RIPOR3: variants seen among roughly 807,000 people sequenced by gnomAD.
The protein encoded by RIPOR3 is RIPOR family member 3.
In RIPOR3, 95 loss-of-function variants were observed where a neutral mutation model predicts 114.3. The observed-to-expected ratio is 0.83, with a 90% CI of 0.70 to 0.99. RIPOR3 has a LOEUF of 0.99. Among genes scored for constraint, RIPOR3 ranks in the 50% least tolerant of loss-of-function variants. RIPOR3 has a pLI of 0.00. For synonymous variants in RIPOR3, 575 were observed against 543.8 expected (o/e 1.06, Z -0.80); for missense variants, 1,252 against 1,266.9 (o/e 0.99, Z 0.18).
intron 1 of RIPOR3, chr20:50,645,946 G>C (rs901379183): frequency 6.6e-6 from 1 of 152,250 alleles, no homozygotes; most frequent in Non-Finnish European, 1.5e-5. Context: ...TCTTTTGACA[G>C]TGAAATATGC....
intron 1 of RIPOR3, among the ~76,000 whole-genome samples, chr20:50,633,377 C>T (rs1171033469): frequency 6.6e-6 from 1 of 152,246 alleles, no homozygotes; most frequent in Non-Finnish European, 1.5e-5. Flanking sequence ...CGTATTTACA[C>T]CACAGAAAGC....
intron 1 of RIPOR3, among the ~76,000 whole-genome samples, chr20:50,661,076 A>G (rs1047200081): frequency 1.3e-5 from 2 of 152,004 alleles, no homozygotes; most frequent in African/African-American, 2.4e-5. Context: ...TGTCTCTATT[A>G]AAAATACAAA....
chr20:50,614,684 A>C (rs1173614614), intron 4 of RIPOR3: 1 of 170,426 alleles, frequency 5.9e-6, no homozygotes, highest in Non-Finnish European at 1.5e-5. Context: ...ACAAGGAACA[A>C]TTATTTTAGC....
chr20:50,623,545 T>C lies in RIPOR3; in HGVS notation c.123-3413A>G, dbSNP rs932683531. ...TGCAGAGGGGCCTGGACCTGGGGCC[T>C]CTCTAGTTTTGGGGACCCAGGATGT... On this transcript the variant is annotated intron_variant, in intron 2 of 21. Coordinates refer to ENST00000327979, the MANE Select transcript of RIPOR3 (RefSeq NM_001290268.2). Among the ~76,000 whole-genome samples, 62 of 152,032 alleles carry C rather than the reference T, an allele frequency of 4.1e-4. 1 individual carries two copies. The highest frequency in any genetic ancestry group is 1.5e-5 in the Non-Finnish European group (1 of 68,000).
chr20:50,643,774 C>T (rs1259935233), intron 1 of RIPOR3, among the ~76,000 whole-genome samples: 15 of 146,860 alleles, frequency 1.0e-4, no homozygotes, highest in Non-Finnish European at 1.3e-4. Flanking sequence ...GGTGCAATCT[C>T]GGCTCACTGC....
chr20:50,663,443 C>T (rs1006783456), intron 1 of RIPOR3, among the ~76,000 whole-genome samples: 2 of 152,210 alleles, frequency 1.3e-5, no homozygotes, highest in Admixed American at 6.5e-5. Context: ...CCTCTCCAAG[C>T]GCCCCAGTGC....
At chr20:50,687,318 A>G (rs919530321) in intron 1 of RIPOR3, among the ~76,000 whole-genome samples, 2 of 152,228 alleles carry the variant, frequency 1.3e-5, no homozygotes, top group Non-Finnish European at 2.9e-5. Flanking sequence ...TGCTTCGGGC[A>G]AGAGAGAGGA....
At chr20:50,666,079 C>A (rs2086180674) in intron 1 of RIPOR3, among the ~76,000 whole-genome samples, 1 of 151,108 alleles carries the variant, frequency 6.6e-6, no homozygotes. Context: ...GAATGAAGAC[C>A]AAGGAAGGGT....
At position 50,609,682 on chromosome 20, in the gene RIPOR3, A is replaced by G; in HGVS notation, c.467T>C (p.Leu156Pro). Reference protein sequence around the residue: ...LYEDYCIQCRLRDGASSMQRA... With the variant: ...LYEDYCIQCRPRDGASSMQRA... ...CTGCATGCTGGAGGCGCCGTCGCGC[A>G]GGCGGCACTGGATGCAGTAGTCCTC... Residue 156 changes from leucine to proline, a missense_variant, in exon 7 of 22, where the codon CTG (leucine) becomes CCG (proline). Physicochemically the swap from Leu to Pro is moderately conservative, Grantham distance 98. Coordinates refer to ENST00000327979, the MANE Select transcript of RIPOR3 (RefSeq NM_001290268.2). The G allele has an allele frequency of 7.2e-7, 1 of 1,391,712 alleles. No individual in the cohort carries two copies. Among genetic ancestry groups the G allele is most frequent in the Non-Finnish European group, 9.3e-7 (1 of 1,072,872 alleles). 86.2% of individuals were successfully genotyped at this position (1,391,712 alleles called of 1,614,324 possible).
intron 1 of RIPOR3, among the ~76,000 whole-genome samples, chr20:50,690,609 G>A (rs1038912126): frequency 6.6e-6 from 1 of 152,084 alleles, no homozygotes; most frequent in African/African-American, 2.4e-5. Context: ...CAGAATACTG[G>A]GGGTGTACAG....
At chr20:50,591,822 C>G (rs575053258) in intron 19 of RIPOR3, among the ~76,000 whole-genome samples, 1 of 152,204 alleles carries the variant, frequency 6.6e-6, no homozygotes, top group Non-Finnish European at 1.5e-5. Context: ...AAAGGCTGGG[C>G]GCAGTGGCTC....
rs775382186 is a variant in RIPOR3, at chr20:50,608,714, G to A, written c.709C>T (p.Arg237Cys). The A allele has an allele frequency of 2.5e-6, 4 of 1,613,872 alleles. No homozygotes were observed. The highest frequency in any genetic ancestry group is 2.7e-5 in the African/African-American group (2 of 74,906). ...TCGATCCGACCCTTGAGCTTCCAAC[G>A]CTGGCGGCCCAGACGCATGAGCACC... is the stretch of plus-strand genomic sequence containing the variant. ...YEVLMRLGRQ[R>C]WKLKGRIESD... The change falls in exon 10 of 22, where the codon CGT becomes TGT. Residue 237 changes from arginine to cysteine, a missense_variant. Coordinates refer to ENST00000327979, the MANE Select transcript of RIPOR3 (RefSeq NM_001290268.2).
intron 1 of RIPOR3, among the ~76,000 whole-genome samples, chr20:50,646,369 C>T (rs536485005): frequency 5.3e-5 from 8 of 152,058 alleles, no homozygotes; most frequent in African/African-American, 7.2e-5. Flanking sequence ...TGAGCTCAAG[C>T]GATTCACCCT....
intron 1 of RIPOR3, among the ~76,000 whole-genome samples, chr20:50,641,251 A>G (rs1435142336): frequency 1.3e-5 from 2 of 149,198 alleles, no homozygotes; most frequent in African/African-American, 2.5e-5. Flanking sequence ...GGCTCACTCT[A>G]TCACCCAGGC....
rs1410583782 is a variant in RIPOR3 at position 50,604,672 on chromosome 20, G to C, written c.1059C>G (p.Thr353=). Residue 353 remains threonine (T), a synonymous_variant, in exon 12 of 22, where the codon ACC becomes ACG. Coordinates refer to ENST00000327979, the MANE Select transcript of RIPOR3 (RefSeq NM_001290268.2). Reference sequence around the variant, plus strand: ...GGTAGTATCTCTCCCGGAAGCTGGGGGTGCTCGGGGGTGTCCAGTTGTACA... The same window carrying C: ...GGTAGTATCTCTCCCGGAAGCTGGGCGTGCTCGGGGGTGTCCAGTTGTACA... The part of the protein sequence containing the change: ...GSLYNWTPPS[T]PSFRERYYLS... 5.6e-6 allele frequency: 9 copies of C among 1,608,014 alleles called. No individual in the cohort carries two copies. Among genetic ancestry groups the C allele is most frequent in the Non-Finnish European group, 6.8e-6 (8 of 1,177,814 alleles).
At chr20:50,642,527 T>G (rs918927003) in intron 1 of RIPOR3, among the ~76,000 whole-genome samples, 3 of 151,956 alleles carry the variant, frequency 2.0e-5, no homozygotes, top group Admixed American at 6.6e-5. Flanking sequence ...TGGTGTTTAA[T>G]TCCCTGGGGG....
chr20:50,601,210 G>T (rs1279813812), intron 13 of RIPOR3, among the ~76,000 whole-genome samples: 1 of 152,206 alleles, frequency 6.6e-6, no homozygotes, highest in Non-Finnish European at 1.5e-5. Context: ...GAGGCAGGCG[G>T]ATCACTTGAG....
At chr20:50,614,256 A>C (rs1308554407) in intron 4 of RIPOR3, among the ~76,000 whole-genome samples, 1 of 152,104 alleles carries the variant, frequency 6.6e-6, no homozygotes, top group Non-Finnish European at 1.5e-5. Flanking sequence ...GGCTGGTCTC[A>C]AACTCCTGAT....
At chr20:50,611,404 C>T (rs527853395) in intron 4 of RIPOR3, among the ~76,000 whole-genome samples, 200 bp from the exon 5 acceptor site, 9 of 152,234 alleles carry the variant, frequency 5.9e-5, no homozygotes, top group African/African-American at 2.2e-4. Flanking sequence ...TAAACACATG[C>T]ACGTGGGATG....
Sources: allele counts gnomAD v4.1 joint callset (sites outside exome capture counted in the v4.1 genomes callset), GRCh38; gene constraint gnomAD v4.1.1; transcripts MANE v1.5; gene names NCBI Gene and HGNC (gene_info 2026-07-23, HGNC 2026-07-21).